Variants in GRID1 observed in about 807,000 individuals in gnomAD.
The protein encoded by GRID1 is glutamate ionotropic receptor delta type subunit 1.
In GRID1, 28 loss-of-function variants were observed where a neutral mutation model predicts 98.0. The ratio of observed to expected loss-of-function variants is 0.29; its 90% CI spans 0.21 to 0.39. GRID1 has a LOEUF of 0.39. GRID1 is among the 10% of genes least tolerant of loss of function. The pLI, the probability that GRID1 is intolerant of heterozygous loss-of-function variation, is 1.00. For missense variants in GRID1, 1,111 were observed against 1,340.5 expected (o/e 0.83, Z 2.67); for synonymous variants, 553 against 538.5 (o/e 1.03, Z -0.37).
In GRID1 at chr10:85,895,013, AAAAATATAT is replaced by A. The variant is rs1291142660; in HGVS notation, c.780+21164_780+21172del. On this transcript the variant is annotated intron_variant, in intron 5 of 15. Coordinates refer to ENST00000327946, the MANE Select transcript of GRID1 (RefSeq NM_017551.3). ...AAACTGGGACTCTCAAAAAAAAAAA[AAAAATATAT>A]ATATATATATATATATATGTAAAAT... Among the ~76,000 whole-genome samples, 145 of 125,896 alleles carry A rather than the reference AAAAATATAT, an allele frequency of 1.2e-3. 2 individuals carry two copies. In the South Asian group the frequency reaches 0.023, roughly 20 times the overall value. 82.6% of individuals were successfully genotyped at this position (125,896 alleles called of 152,430 possible). A position where few individuals can be genotyped will look rare whatever the true frequency, so the allele number is the denominator to read the frequency against.
intron 8 of GRID1, among the ~76,000 whole-genome samples, chr10:85,761,284 C>G (rs547107856): frequency 2.6e-5 from 4 of 152,176 alleles, no homozygotes; most frequent in Non-Finnish European, 5.9e-5. Flanking sequence ...TTTTATCTCA[C>G]GTCCCCAAAC....
At chr10:85,684,699 T>C (rs1841248949) in intron 12 of GRID1, among the ~76,000 whole-genome samples, 1 of 152,228 alleles carries the variant, frequency 6.6e-6, no homozygotes, top group South Asian at 2.1e-4. Context: ...ACCATACTAT[T>C]TAGCTCAGGC....
intron 3 of GRID1, among the ~76,000 whole-genome samples, chr10:86,165,812 G>T (rs1201440060): frequency 6.6e-6 from 1 of 152,072 alleles, no homozygotes; most frequent in South Asian, 2.1e-4. Context: ...GGGCAAGACG[G>T]CGCTGTGAGT....
intron 5 of GRID1, among the ~76,000 whole-genome samples, chr10:85,884,577 C>G (rs979319677): frequency 1.3e-5 from 2 of 152,112 alleles, no homozygotes; most frequent in East Asian, 3.8e-4. Context: ...TCTGCAGCTT[C>G]CACCTTATTT....
chr10:86,058,899 C>T (rs1045277864), intron 4 of GRID1, among the ~76,000 whole-genome samples: 1 of 152,188 alleles, frequency 6.6e-6, no homozygotes, highest in African/African-American at 2.4e-5. Context: ...CACCCAAATG[C>T]ATGCTAAACT....
chr10:86,108,911 T>C (rs756131935), intron 4 of GRID1, among the ~76,000 whole-genome samples: 3 of 152,136 alleles, frequency 2.0e-5, no homozygotes, highest in Non-Finnish European at 4.4e-5. Context: ...CTATCATAAG[T>C]GCCCACCCTG....
Position 85,766,483 on chromosome 10 carries a change from TA to T in GRID1, c.1234-36870del, listed in dbSNP as rs201358564. On this transcript the variant is annotated intron_variant, in intron 8 of 15. Coordinates refer to ENST00000327946, the MANE Select transcript of GRID1 (RefSeq NM_017551.3). ...TCTGGGAAACAGAGCGAGATTTGTC[TA>T]AAAAAAAATGACAATAGTTTTAAAT... is the stretch of plus-strand genomic sequence containing the variant. 6.5e-4 allele frequency among the ~76,000 whole-genome samples: 98 copies of T among 151,100 alleles called. 1 individual carries two copies. Among genetic ancestry groups the T allele is most frequent in the African/African-American group, 2.2e-3 (91 of 41,250 alleles).
intron 8 of GRID1, among the ~76,000 whole-genome samples, chr10:85,840,812 C>T (rs747713698): frequency 6.6e-6 from 1 of 152,032 alleles, no homozygotes; most frequent in Non-Finnish European, 1.5e-5. Context: ...AAGAGAACTA[C>T]AAAACACTTC....
chr10:85,636,909 T>C (rs955001263), intron 13 of GRID1, among the ~76,000 whole-genome samples: 6 of 152,128 alleles, frequency 3.9e-5, no homozygotes, highest in Non-Finnish European at 7.4e-5. Context: ...CAGAAATAAA[T>C]GTAGTAACTG....
chr10:85,749,291 C>T (rs1197865382), intron 8 of GRID1, among the ~76,000 whole-genome samples: 2 of 152,124 alleles, frequency 1.3e-5, no homozygotes, highest in African/African-American at 2.4e-5. Context: ...CTTATCCTTC[C>T]ATCTCTTCTT....
chr10:86,008,940 T>C (rs762936988), intron 4 of GRID1, among the ~76,000 whole-genome samples: 3 of 152,196 alleles, frequency 2.0e-5, no homozygotes, highest in East Asian at 3.9e-4. Context: ...CAGTTCACAA[T>C]AGCAAAATCT....
At chr10:86,306,924 T>C (rs1253322047) in intron 2 of GRID1, among the ~76,000 whole-genome samples, 3 of 152,174 alleles carry the variant, frequency 2.0e-5, no homozygotes, top group Non-Finnish European at 4.4e-5. Flanking sequence ...ATAATCAATA[T>C]CTATAGTTTG....
intron 2 of GRID1, among the ~76,000 whole-genome samples, chr10:86,261,122 G>T (rs1847010282): frequency 6.6e-6 from 1 of 152,238 alleles, no homozygotes; most frequent in South Asian, 2.1e-4. Flanking sequence ...TATGCTTGGT[G>T]CTTCCTCCCC....
At chr10:86,260,320 A>G (rs982104376) in intron 2 of GRID1, among the ~76,000 whole-genome samples, 2 of 152,224 alleles carry the variant, frequency 1.3e-5, no homozygotes, top group Non-Finnish European at 2.9e-5. Flanking sequence ...TAACACCTTC[A>G]TTTTAGAAAT....
At position 86,180,994 on chromosome 10, in the gene GRID1, C is replaced by T. The variant is rs552669487; in HGVS notation, c.520+25370G>A. Among the ~76,000 whole-genome samples, 6 of 152,310 alleles carry T rather than the reference C, an allele frequency of 3.9e-5. No individual in the cohort carries two copies. In the East Asian group the frequency reaches 9.7e-4, roughly 25 times the overall value. On this transcript the variant is annotated intron_variant, in intron 3 of 15. Coordinates refer to ENST00000327946, the MANE Select transcript of GRID1 (RefSeq NM_017551.3). ...GCAAGTGAGGGTCCTCGCTTGGATG[C>T]TGGCCATGAGGACAGCCAAGCCCAG...
intron 4 of GRID1, among the ~76,000 whole-genome samples, chr10:86,047,965 T>C (rs762101937): frequency 2.6e-5 from 4 of 152,182 alleles, no homozygotes; most frequent in Non-Finnish European, 5.9e-5. Flanking sequence ...GGTTGTTTTG[T>C]CCTCATTGGA....
chr10:86,081,108 C>T (rs966852720), intron 4 of GRID1, among the ~76,000 whole-genome samples: 14 of 152,170 alleles, frequency 9.2e-5, no homozygotes. Context: ...GCAGTGGAAA[C>T]AGCAAGTAAA....
At chr10:85,954,345 A>G (rs1393216148) in intron 4 of GRID1, among the ~76,000 whole-genome samples, 1 of 152,210 alleles carries the variant, frequency 6.6e-6, no homozygotes, top group Admixed American at 6.5e-5. Flanking sequence ...AAGCATGCCA[A>G]GTTACTCTAA....
At chr10:86,089,976 A>G (rs1589367584) in intron 4 of GRID1, among the ~76,000 whole-genome samples, 1 of 152,064 alleles carries the variant, frequency 6.6e-6, no homozygotes, top group South Asian at 2.1e-4. Context: ...TGAACTCCTG[A>G]CCTCAGGTGA....
Sources: gnomAD v4.1 joint callset for allele counts (sites outside exome capture counted in the v4.1 genomes callset) on GRCh38, gnomAD v4.1.1 for gene constraint, MANE v1.5 for transcripts, NCBI Gene and HGNC (gene_info 2026-07-23, HGNC 2026-07-21) for gene names.